The following STARD6 variants were observed in gnomAD, a reference collection of about 807,000 sequenced individuals.
STARD6 encodes the protein stAR-related lipid transfer protein 6.
In STARD6, 21 loss-of-function variants were observed where a neutral mutation model predicts 22.3. The ratio of observed to expected loss-of-function variants is 0.94; its 90% CI spans 0.67 to 1.35. The LOEUF is 1.35. Among genes scored for constraint, STARD6 ranks in the 40% most tolerant of loss-of-function variants. The probability of loss-of-function intolerance (pLI) is 0.00; values close to 1 mark genes in which losing one functional copy is unlikely to be tolerated. For missense variants in STARD6, 269 were observed against 266.9 expected, an observed-to-expected ratio of 1.01 and a Z score of -0.05; for synonymous variants, 80 against 88.1, an observed-to-expected ratio of 0.91 and a Z score of 0.52.
At chr18:54,340,591 G>T (rs1599303440) in intron 4 of STARD6, among the ~76,000 whole-genome samples, 1 of 152,034 alleles carries the variant, frequency 6.6e-6, no homozygotes, top group East Asian at 1.9e-4. Context: ...ATAACATTAG[G>T]TGTGACTGAA....
At chr18:54,350,194 G>A (rs1157748673) in intron 4 of STARD6, among the ~76,000 whole-genome samples, 2 of 152,092 alleles carry the variant, frequency 1.3e-5, no homozygotes, top group Admixed American at 6.6e-5. Context: ...GGGTAAGATG[G>A]TATCTCACTC....
At position 54,331,752 on chromosome 18, in the gene STARD6, G is replaced by A; in HGVS notation, c.375C>T (p.Asn125=). The change falls in exon 6 of 8, where the codon AAC becomes AAT. Residue 125 remains asparagine, a synonymous_variant. Coordinates refer to ENST00000307844, the MANE Select transcript of STARD6 (RefSeq NM_139171.2). ...AATGTTTCAACTTACAACTGATAAT[G>A]TTCATATTTCCTTCGTAGCGCTTGA... ...VYIKRYEGNM[N]IISSKSVDFP... is the part of the protein sequence containing the mutation. 2 of 1,606,836 alleles carry A rather than the reference G, an allele frequency of 1.2e-6. No homozygotes were observed. The highest frequency in any genetic ancestry group is 1.7e-6 in the Non-Finnish European group (2 of 1,175,152).
chr18:54,356,807 T>C (rs565933567), intron 1 of STARD6, among the ~76,000 whole-genome samples: 7 of 152,330 alleles, frequency 4.6e-5, no homozygotes, highest in Middle Eastern at 3.4e-3. Context: ...TGATTTCCTA[T>C]TGGAAACCTA....
Position 54,354,546 on chromosome 18 carries a change from T to A in STARD6, c.28A>T (p.Thr10Ser). Reference protein sequence around the residue: MDFKAIAQQTAQEVLGYNRD... With the variant: MDFKAIAQQSAQEVLGYNRD... ...TTATAACCTAAAACTTCTTGGGCAG[T>A]TTGTTGGGCAATTGCCTTGAAGTCC... Residue 10 changes from threonine to serine, a missense_variant, in exon 3 of 8, where the codon ACT becomes TCT. Transcript: ENST00000307844. 1 of 1,613,212 alleles carries A rather than the reference T, an allele frequency of 6.2e-7. No homozygotes were observed. The highest frequency in any genetic ancestry group is 1.1e-5 in the South Asian group (1 of 90,752).
chr18:54,345,926 T>A (rs2089029534), intron 4 of STARD6, among the ~76,000 whole-genome samples: 1 of 152,084 alleles, frequency 6.6e-6, no homozygotes, highest in Admixed American at 6.6e-5. Flanking sequence ...GAAAATTAAC[T>A]CAAAGTGATC....
chr18:54,347,018 T>C (rs1421942367), intron 4 of STARD6, among the ~76,000 whole-genome samples: 1 of 152,096 alleles, frequency 6.6e-6, no homozygotes, highest in East Asian at 1.9e-4. Context: ...TAACAATCAC[T>C]GAGTTGTACA....
chr18:54,333,159 A>G (rs1321479255), intron 5 of STARD6, among the ~76,000 whole-genome samples: 1 of 152,126 alleles, frequency 6.6e-6, no homozygotes, highest in Non-Finnish European at 1.5e-5. Flanking sequence ...ACAACAATAG[A>G]AATTTCTGGG....
Position 54,347,684 on chromosome 18 carries a change from T to A in STARD6, c.140+6370A>T, listed in dbSNP as rs371342826. ...AGTTTAGGAAGATATTGAACCAGGT[T>A]TATGAAGATACTAAACTGGGGTGTT... On this transcript the variant is annotated intron_variant, in intron 4 of 7. Coordinates refer to ENST00000307844, the MANE Select transcript of STARD6 (RefSeq NM_139171.2). Among the ~76,000 whole-genome samples the A allele has an allele frequency of 1.2e-3, 185 of 152,212 alleles. 4 individuals are homozygous for A. In the South Asian group the frequency reaches 0.03, roughly 25 times the overall value.
chr18:54,327,516 A>G (rs2088833719), intron 7 of STARD6, among the ~76,000 whole-genome samples: 1 of 152,208 alleles, frequency 6.6e-6, no homozygotes, highest in Non-Finnish European at 1.5e-5. Flanking sequence ...ATTTATTTTG[A>G]AATGAATAAT....
rs565007120 is a variant in STARD6, at chr18:54,336,817, G to C, written c.267+308C>G. Among the ~76,000 whole-genome samples the C allele has an allele frequency of 3.9e-5, 6 of 152,218 alleles. No individual in the cohort carries two copies. The South Asian group carries it at 8.3e-4, about 21-fold the overall frequency. On this transcript the variant is annotated intron_variant, in intron 5 of 7. Transcript: ENST00000307844. ...AAGTCTACAGACTTCCCATCAATAAGGCATACTTAACCTTTGTTTTCCATG... is the reference window on the plus strand; with the variant it reads ...AAGTCTACAGACTTCCCATCAATAACGCATACTTAACCTTTGTTTTCCATG...
At chr18:54,340,703 C>T (rs1207001611) in intron 4 of STARD6, among the ~76,000 whole-genome samples, 2 of 151,990 alleles carry the variant, frequency 1.3e-5, no homozygotes, top group East Asian at 1.9e-4. Flanking sequence ...TTCTTTTAAC[C>T]CCAAACAAGT....
chr18:54,339,043 T>C, intron 4 of STARD6, among the ~76,000 whole-genome samples: 2 of 14,150 alleles, frequency 1.4e-4, no homozygotes, highest in Non-Finnish European at 2.8e-4. Context: ...TGAGACTCCA[T>C]CAAAAAAAAA....
intron 7 of STARD6, among the ~76,000 whole-genome samples, chr18:54,325,975 C>A (rs1048779664): frequency 6.6e-6 from 1 of 152,208 alleles, no homozygotes; most frequent in Non-Finnish European, 1.5e-5. Flanking sequence ...GATCTTCACA[C>A]TGGGGTCAGA....
chr18:54,340,768 A>G (rs866011159), intron 4 of STARD6, among the ~76,000 whole-genome samples: 3 of 152,220 alleles, frequency 2.0e-5, no homozygotes, highest in Non-Finnish European at 4.4e-5. Context: ...AAAGATACAT[A>G]TAGGTGAATG....
intron 5 of STARD6, among the ~76,000 whole-genome samples, 180 bp downstream of exon 5, chr18:54,336,945 A>C (rs1599300609): frequency 6.6e-6 from 1 of 152,254 alleles, no homozygotes; most frequent in Non-Finnish European, 1.5e-5. Context: ...CAAGTAGCAT[A>C]AAGCTAATTG....
chr18:54,341,206 C>A (rs1677615203), intron 4 of STARD6, among the ~76,000 whole-genome samples: 1 of 152,026 alleles, frequency 6.6e-6, no homozygotes, highest in Non-Finnish European at 1.5e-5. Flanking sequence ...ACTAGAGGCG[C>A]CCGCCACTGC....
chr18:54,335,124 A>G (rs1420782025), intron 5 of STARD6, among the ~76,000 whole-genome samples: 1 of 152,180 alleles, frequency 6.6e-6, no homozygotes, highest in Non-Finnish European at 1.5e-5. Context: ...ATTTTAATAC[A>G]TTAATGGAAG....
chr18:54,337,189 G>C lies in STARD6; in HGVS notation c.203C>G (p.Thr68Ser), dbSNP rs771288646. 1.2e-6 allele frequency: 2 copies of C among 1,613,276 alleles called. No homozygotes were observed. Among genetic ancestry groups the C allele is most frequent in the South Asian group, 1.1e-5 (1 of 91,032 alleles). Residue 68 changes from threonine (T) to serine (S), a missense_variant, in exon 5 of 8, where the codon ACT (threonine) becomes AGT (serine). Transcript: ENST00000307844. ...TTTATCCCATGTAATTCTGTCTCCA[G>C]TTTGGTAGAGGAAATCAGATAGTTT... ...PAKLSDFLYQ[T>S]GDRITWDKSL...
chr18:54,335,626 C>T (rs1333783645), intron 5 of STARD6, among the ~76,000 whole-genome samples: 1 of 152,094 alleles, frequency 6.6e-6, no homozygotes, highest in Non-Finnish European at 1.5e-5. Flanking sequence ...ATTTGTGTCC[C>T]TGCCCAAATA....
Sources: gnomAD v4.1 joint callset for allele counts (sites outside exome capture counted in the v4.1 genomes callset) on GRCh38, gnomAD v4.1.1 for gene constraint, MANE v1.5 for transcripts, NCBI Gene and HGNC (gene_info 2026-07-23, HGNC 2026-07-21) for gene names.